RCSD1: variants seen among roughly 807,000 people sequenced by gnomAD.
RCSD1 encodes RCSD domain containing 1.
RCSD1 carries 26 observed loss-of-function variants against 42.5 expected under a neutral mutation model. The ratio of observed to expected loss-of-function variants is 0.61; its 90% CI spans 0.45 to 0.85. The LOEUF (loss-of-function observed/expected upper bound fraction) is 0.85. Among genes scored for constraint, RCSD1 ranks in the 40% least tolerant of loss-of-function variants. The pLI is 0.00. For missense variants in RCSD1, 571 were observed against 528.3 expected, an observed-to-expected ratio of 1.08 and a Z score of -0.79; for synonymous variants, 220 against 212.2, an observed-to-expected ratio of 1.04 and a Z score of -0.32.
intron 1 of RCSD1, among the ~76,000 whole-genome samples, chr1:167,658,405 G>A (rs1658468688): frequency 6.6e-6 from 1 of 151,932 alleles, no homozygotes; most frequent in Non-Finnish European, 1.5e-5. Flanking sequence ...CCTGGAAGTT[G>A]GAGTTTTTTT....
intron 4 of RCSD1, among the ~76,000 whole-genome samples, chr1:167,691,851 C>T (rs1273556639): frequency 1.3e-5 from 2 of 152,140 alleles, no homozygotes; most frequent in African/African-American, 4.8e-5. Flanking sequence ...CCTGTCACTC[C>T]AGGAGGCTGC....
chr1:167,663,782 C>A (rs1424342999), intron 1 of RCSD1: 1 of 152,252 alleles, frequency 6.6e-6, no homozygotes, highest in African/African-American at 2.4e-5. Flanking sequence ...AGGGAGCCCA[C>A]ATTTTGACTA....
At chr1:167,644,641 T>A (rs2102201378) in intron 1 of RCSD1, among the ~76,000 whole-genome samples, 1 of 152,236 alleles carries the variant, frequency 6.6e-6, no homozygotes, top group Non-Finnish European at 1.5e-5. Context: ...AGGAGAGCAG[T>A]CTGGAGTAGA....
rs899528307 is a variant in RCSD1 at position 167,708,222 on chromosome 1, C to A, written c.*3526C>A. On this transcript the variant is annotated 3_prime_UTR_variant, in exon 7 of 7. Transcript: ENST00000367854. Reference sequence around the variant, plus strand: ...TCCTGCACTTTCTCTACAAGGCTTGCAAAGGTGAGCAAGAAGATTCCCCAA... The same window carrying A: ...TCCTGCACTTTCTCTACAAGGCTTGAAAAGGTGAGCAAGAAGATTCCCCAA... Among the ~76,000 whole-genome samples, 3 of 152,164 alleles carry A rather than the reference C, an allele frequency of 2.0e-5. No individual in the cohort carries two copies. The highest frequency in any genetic ancestry group is 7.2e-5 in the African/African-American group (3 of 41,442).
At chr1:167,662,728 G>A (rs912133799) in intron 1 of RCSD1, among the ~76,000 whole-genome samples, 2 of 152,222 alleles carry the variant, frequency 1.3e-5, no homozygotes, top group African/African-American at 4.8e-5. Context: ...TTCTTAGGAA[G>A]GAAGAGGAGG....
intron 6 of RCSD1, among the ~76,000 whole-genome samples, chr1:167,700,270 T>C (rs1316349369): frequency 6.6e-6 from 1 of 151,914 alleles, no homozygotes; most frequent in Non-Finnish European, 1.5e-5. Flanking sequence ...GGGAGAAAAA[T>C]GTGTGAGTCC....
At chr1:167,636,341 C>T (rs1657849939) in intron 1 of RCSD1, among the ~76,000 whole-genome samples, 1 of 152,174 alleles carries the variant, frequency 6.6e-6, no homozygotes, top group East Asian at 1.9e-4. Context: ...TAGAAGCCTC[C>T]AAGCTAGAGC....
chr1:167,691,452 A>G (rs1659375685), intron 4 of RCSD1, among the ~76,000 whole-genome samples: 1 of 152,230 alleles, frequency 6.6e-6, no homozygotes, highest in Admixed American at 6.5e-5. Context: ...TAAAGTGCGG[A>G]GGAGAGGCAG....
intron 1 of RCSD1, among the ~76,000 whole-genome samples, chr1:167,669,724 A>G (rs1375677695): frequency 6.6e-6 from 1 of 152,106 alleles, no homozygotes; most frequent in Non-Finnish European, 1.5e-5. Context: ...ATTTGTCTTG[A>G]CTGATGGTCC....
chr1:167,671,490 A>T (rs1479215056), intron 1 of RCSD1, among the ~76,000 whole-genome samples: 3 of 151,842 alleles, frequency 2.0e-5, no homozygotes, highest in African/African-American at 7.3e-5. Flanking sequence ...TCTCCTCCAC[A>T]CTCACTCTTC....
intron 1 of RCSD1, among the ~76,000 whole-genome samples, chr1:167,656,309 T>C (rs1488436489): frequency 6.6e-6 from 1 of 152,174 alleles, no homozygotes; most frequent in Non-Finnish European, 1.5e-5. Flanking sequence ...TTTGATATTA[T>C]TTCATAGTAA....
intron 1 of RCSD1, among the ~76,000 whole-genome samples, chr1:167,648,512 G>A (rs12065514): frequency 0.019 from 2,830 of 152,284 alleles, 87 homozygotes; most frequent in African/African-American, 0.063. Context: ...CCACTAAGCC[G>A]GTTTAGCAAA....
At chr1:167,686,817 T>G (rs1201785556) in intron 3 of RCSD1, among the ~76,000 whole-genome samples, 1 of 152,190 alleles carries the variant, frequency 6.6e-6, no homozygotes, top group Non-Finnish European at 1.5e-5. Context: ...ATGCAATGGG[T>G]TGAGGTTATG....
chr1:167,697,441 G>A lies in RCSD1; in HGVS notation c.817G>A (p.Gly273Ser), dbSNP rs1483195094. ...CAGGCGGAGTTCAGAGGAGGTGGAC[G>A]GCCAGCACCCGGCCCAAGAGGAGGT... ...KARRSSEEVDGQHPAQEEVPE... is the reference protein window; with the variant it reads ...KARRSSEEVDSQHPAQEEVPE... The change falls in exon 6 of 7, where the codon GGC (glycine) becomes AGC (serine). Residue 273 changes from glycine to serine, a missense_variant. Gly to Ser is a moderately conservative substitution (Grantham distance 56). Coordinates refer to ENST00000367854, the MANE Select transcript of RCSD1 (RefSeq NM_052862.4). The A allele has an allele frequency of 8.7e-6, 14 of 1,611,874 alleles. No homozygotes were observed. The highest frequency in any genetic ancestry group is 8.0e-5 in the African/African-American group (6 of 74,860).
intron 6 of RCSD1, among the ~76,000 whole-genome samples, chr1:167,704,211 T>C (rs1020028481): frequency 6.6e-6 from 1 of 152,224 alleles, no homozygotes; most frequent in Admixed American, 6.5e-5. Flanking sequence ...TTTCCATTTA[T>C]ATGCTGCCTA....
chr1:167,695,240 C>T (rs970592889), intron 5 of RCSD1, among the ~76,000 whole-genome samples: 11 of 152,208 alleles, frequency 7.2e-5, no homozygotes, highest in East Asian at 1.9e-4. Flanking sequence ...CAGAGAGAGC[C>T]GCATCTTCTC....
At chr1:167,682,172 C>CTTTTT (rs375451420) in intron 1 of RCSD1, among the ~76,000 whole-genome samples, 1 of 140,510 alleles carries the variant, frequency 7.1e-6, no homozygotes, top group African/African-American at 2.7e-5. Flanking sequence ...TAAACGAAGC[C>CTTTTT]TTTTTTTTTT....
At chr1:167,670,609 A>T (rs1413751428) in intron 1 of RCSD1, among the ~76,000 whole-genome samples, 2 of 152,186 alleles carry the variant, frequency 1.3e-5, no homozygotes, top group Non-Finnish European at 2.9e-5. Flanking sequence ...TTGAGCCAAG[A>T]TTCACCCTCA....
chr1:167,679,406 T>C (rs1011268025), intron 1 of RCSD1, among the ~76,000 whole-genome samples: 2 of 152,168 alleles, frequency 1.3e-5, no homozygotes, highest in African/African-American at 4.8e-5. Flanking sequence ...AGGATAGTAA[T>C]GGTCAAACAT....
Sources: allele counts gnomAD v4.1 joint callset (sites outside exome capture counted in the v4.1 genomes callset), GRCh38; gene constraint gnomAD v4.1.1; transcripts MANE v1.5; gene names NCBI Gene and HGNC (gene_info 2026-07-23, HGNC 2026-07-21).